The following BRAP variants were observed in gnomAD, a reference collection of about 807,000 sequenced individuals.
The protein encoded by BRAP is BRCA1 associated protein.
A neutral mutation model predicts 73.4 loss-of-function variants in BRAP; 42 were observed. The ratio of observed to expected loss-of-function variants is 0.57; its 90% confidence interval spans 0.45 to 0.74. The LOEUF is 0.74. BRAP is among the 30% of genes least tolerant of loss of function. The pLI, the probability that BRAP is intolerant of heterozygous loss-of-function variation, is 0.00. For synonymous variants in BRAP, 255 were observed against 267.4 expected, an observed-to-expected ratio of 0.95 and a Z score of 0.45; for missense variants, 593 against 751.4, an observed-to-expected ratio of 0.79 and a Z score of 2.46.
intron 3 of BRAP, among the ~76,000 whole-genome samples, chr12:111,679,765 T>A (rs1470528422): frequency 6.7e-6 from 1 of 149,928 alleles, no homozygotes; most frequent in African/African-American, 2.5e-5. Context: ...TAGTCCCAGC[T>A]ACTTGGGAGG....
At position 111,685,837 on chromosome 12, in the gene BRAP, G is replaced by T; in HGVS notation, c.-45C>A. On this transcript the variant is annotated 5_prime_UTR_variant, in exon 1 of 12. Coordinates refer to ENST00000419234, the MANE Select transcript of BRAP (RefSeq NM_006768.5). Reference sequence around the variant, plus strand: ...GCGGGCCCCGGCGGGCTCAGGCGAGGCTGGAAGGCGAGCCGAGAGGCCGAG... The same window carrying T: ...GCGGGCCCCGGCGGGCTCAGGCGAGTCTGGAAGGCGAGCCGAGAGGCCGAG... The T allele has an allele frequency of 1.4e-6, 2 of 1,433,212 alleles. No homozygotes were observed. Among genetic ancestry groups the T allele is most frequent in the Non-Finnish European group, 1.8e-6 (2 of 1,090,766 alleles). The allele number at this position is 1,433,212 out of a possible 1,614,324, so 88.8% of individuals were successfully genotyped here.
At position 111,665,843 on chromosome 12, in the gene BRAP, T is replaced by C. The variant is rs976890443; in HGVS notation, c.748-56A>G. The C allele has an allele frequency of 6.2e-7, 1 of 1,604,054 alleles. No homozygotes were observed. Among genetic ancestry groups the C allele is most frequent in the African/African-American group, 1.3e-5 (1 of 74,632 alleles). ...CTTCATCTACCAGCAATACTTTATT[T>C]TTCCTTCTTTTTTCTGAGACAGGGT... On this transcript the variant is annotated intron_variant, in intron 5 of 11. Transcript: ENST00000419234. The surrounding 1 kb of genome is among the most constrained non-coding windows in gnomAD (Gnocchi z 4.3).
At position 111,665,782 on chromosome 12, in the gene BRAP, G is replaced by A; in HGVS notation, c.753C>T (p.Ala251=). ...RAEVLKSEDG[A]SLPVMDLTEL... is the part of the protein sequence containing the mutation. ...CAGTCAGGTCCATCACTGGGAGGCT[G>A]GCGCCCTACAGGAAACACCTCACAT... is the stretch of plus-strand genomic sequence containing the variant. Residue 251 remains alanine, a synonymous_variant, in exon 6 of 12, where the codon GCC becomes GCT. Coordinates refer to ENST00000419234, the MANE Select transcript of BRAP (RefSeq NM_006768.5). This position sits in a 1 kb window ranked among gnomAD's most constrained non-coding sequence, Gnocchi z 4.3. 1 of 1,614,144 alleles carries A rather than the reference G, an allele frequency of 6.2e-7. No individual in the cohort carries two copies. The highest frequency in any genetic ancestry group is 8.5e-7 in the Non-Finnish European group (1 of 1,180,024).
intron 5 of BRAP, among the ~76,000 whole-genome samples, chr12:111,672,025 G>A (rs61941270): frequency 3.3e-5 from 5 of 152,044 alleles, no homozygotes; most frequent in African/African-American, 1.2e-4. Context: ...GCCCAGCCAG[G>A]GTGATCTTGT....
chr12:111,654,900 C>T (rs1886464970), intron 10 of BRAP, among the ~76,000 whole-genome samples: 1 of 152,142 alleles, frequency 6.6e-6, no homozygotes, highest in South Asian at 2.1e-4. Context: ...AGAAAGGTTC[C>T]TAGAGCCATA....
chr12:111,674,720 C>G (rs1347517875), intron 4 of BRAP, among the ~76,000 whole-genome samples: 1 of 152,132 alleles, frequency 6.6e-6, no homozygotes, highest in East Asian at 1.9e-4. Context: ...TGTTTAAAGC[C>G]AGCTGTTGGA....
At chr12:111,676,696 A>G (rs1364734796) in intron 4 of BRAP, among the ~76,000 whole-genome samples, 2 of 152,206 alleles carry the variant, frequency 1.3e-5, no homozygotes, top group Non-Finnish European at 2.9e-5. Flanking sequence ...GATTAAAGGC[A>G]TGAGGCACTG....
chr12:111,652,736 C>T (rs1049044817), intron 10 of BRAP, among the ~76,000 whole-genome samples: 5 of 150,626 alleles, frequency 3.3e-5, no homozygotes, highest in African/African-American at 9.8e-5. Flanking sequence ...TTTGAGATGG[C>T]GTCTCGCTCT....
intron 9 of BRAP, among the ~76,000 whole-genome samples, chr12:111,658,084 A>G (rs1195849888): frequency 6.6e-6 from 1 of 151,370 alleles, no homozygotes; most frequent in African/African-American, 2.4e-5. Flanking sequence ...GATTACAGAC[A>G]TGAACCACCA....
intron 9 of BRAP, 122 bp downstream of exon 9, chr12:111,658,614 G>A (rs988173627): frequency 5.5e-6 from 4 of 729,146 alleles, no homozygotes; most frequent in Non-Finnish European, 8.6e-6. Context: ...ATAAGCCACT[G>A]CGCCCGGCCA....
chr12:111,680,560 C>T (rs910453692), intron 3 of BRAP, among the ~76,000 whole-genome samples: 3 of 150,688 alleles, frequency 2.0e-5, no homozygotes, highest in Admixed American at 1.3e-4. Context: ...ATTAACTGGG[C>T]GTGGTGGTGT....
chr12:111,672,949 C>T (rs1340577705), intron 4 of BRAP, 175 bp from the exon 5 acceptor site: 1 of 552,728 alleles, frequency 1.8e-6, no homozygotes, highest in South Asian at 2.5e-5. Flanking sequence ...GCTAATCACA[C>T]TCTGTAAGTC....
chr12:111,652,674 G>A (rs1053226104), intron 10 of BRAP, among the ~76,000 whole-genome samples: 10 of 152,100 alleles, frequency 6.6e-5, no homozygotes, highest in African/African-American at 2.4e-4. Context: ...CCCAGGAGTT[G>A]GAGATCAGCC....
chr12:111,673,845 G>A (rs1340443356), intron 4 of BRAP, among the ~76,000 whole-genome samples: 3 of 152,198 alleles, frequency 2.0e-5, no homozygotes, highest in Admixed American at 6.5e-5. Context: ...AAAGGCACAT[G>A]TGCGTCTATG....
intron 11 of BRAP, among the ~76,000 whole-genome samples, chr12:111,645,506 GC>G (rs1178925797): frequency 2.0e-5 from 3 of 152,238 alleles, no homozygotes; most frequent in Admixed American, 2.0e-4. Flanking sequence ...CGAGATGATA[GC>G]TGTGATAAGG....
rs550487945 is a variant in BRAP at position 111,643,457 on chromosome 12, A to G, written c.*742T>C. 2.0e-5 allele frequency: 3 copies of G among 152,310 alleles called. No homozygotes were observed. The highest frequency in any genetic ancestry group is 7.2e-5 in the African/African-American group (3 of 41,568). The allele number at this position is 152,310 out of a possible 1,614,324, so 9.4% of individuals were successfully genotyped here. A position where few individuals can be genotyped will look rare whatever the true frequency, so the allele number is the denominator to read the frequency against. Reference sequence around the variant, plus strand: ...GATTTGAGTTTGGGAACAGCCATTAAGCCTCCTCCTTAATTGCGGTTCATA... The same window carrying G: ...GATTTGAGTTTGGGAACAGCCATTAGGCCTCCTCCTTAATTGCGGTTCATA... On this transcript the variant is annotated 3_prime_UTR_variant, in exon 12 of 12. Transcript: ENST00000419234.
Position 111,679,142 on chromosome 12 carries a change from A to T in BRAP, c.633+9T>A, listed in dbSNP as rs1160821337. The T allele has an allele frequency of 3.4e-6, 5 of 1,473,860 alleles. No homozygotes were observed. The highest frequency in any genetic ancestry group is 4.5e-6 in the Non-Finnish European group (5 of 1,100,670). 91.3% of individuals were successfully genotyped at this position (1,473,860 alleles called of 1,614,324 possible). ...CAAAGAGATTTTTAATAAATTTAATAACTTTTACCTGTGCACGAAACTTTA... is the reference window on the plus strand; with the variant it reads ...CAAAGAGATTTTTAATAAATTTAATTACTTTTACCTGTGCACGAAACTTTA... On this transcript the variant is annotated intron_variant, in intron 4 of 11. Transcript: ENST00000419234.
chr12:111,660,327 C>A (rs577870314), intron 7 of BRAP, among the ~76,000 whole-genome samples: 21 of 151,938 alleles, frequency 1.4e-4, no homozygotes, highest in African/African-American at 4.8e-4. Flanking sequence ...ATATGTCTTG[C>A]CCAACCCTAG....
chr12:111,649,926 C>A lies in BRAP; in HGVS notation c.1415+13G>T, dbSNP rs752458140. On this transcript the variant is annotated intron_variant, in intron 11 of 11. Transcript: ENST00000419234. ...TAGAGCCTGTTACAACAGAATAGAC[C>A]GATTATACCTACTTTCTTTCCACAG... The A allele has an allele frequency of 2.9e-5, 45 of 1,553,216 alleles. No homozygotes were observed. Among genetic ancestry groups the A allele is most frequent in the Non-Finnish European group, 1.2e-5 (14 of 1,127,712 alleles).
Sources: allele counts gnomAD v4.1 joint callset (sites outside exome capture counted in the v4.1 genomes callset), GRCh38; gene constraint gnomAD v4.1.1; non-coding constraint Gnocchi (gnomAD v3.1); transcripts MANE v1.5; gene names NCBI Gene and HGNC (gene_info 2026-07-23, HGNC 2026-07-21).